The following CACNA1E variants were observed in gnomAD, a reference collection of about 807,000 sequenced individuals.
The protein encoded by CACNA1E is voltage-dependent R-type calcium channel subunit alpha-1E.
CACNA1E carries 40 observed loss-of-function variants against 259.2 expected under a neutral mutation model. The ratio of observed to expected loss-of-function variants is 0.15; its 90% confidence interval spans 0.12 to 0.20. The LOEUF (loss-of-function observed/expected upper bound fraction) is 0.20, where lower values mean the gene tolerates loss of function less well. CACNA1E is among the 10% of genes least tolerant of loss of function. CACNA1E has a pLI of 1.00. For synonymous variants in CACNA1E, 1,104 were observed against 1,138.5 expected (o/e 0.97, Z 0.61); for missense variants, 1,874 against 3,040.1 (o/e 0.62, Z 9.02).
intron 18 of CACNA1E, among the ~76,000 whole-genome samples, chr1:181,729,159 TTGCTCAGGTGTGTGTGCAC>T (rs1258928079): frequency 8.6e-4 from 88 of 102,154 alleles, no homozygotes; most frequent in Middle Eastern, 0.017. Flanking sequence ...TGTGTGAACA[TTGCTCAGGTGTGTGTGCAC>T]TGCTCAGGTG....
intron 7 of CACNA1E, among the ~76,000 whole-genome samples, chr1:181,707,984 G>A (rs1273432146): frequency 2.0e-5 from 3 of 152,158 alleles, no homozygotes; most frequent in African/African-American, 7.2e-5. Context: ...AGAAGGTTGG[G>A]GTGCAGTGAT....
At chr1:181,512,070 G>A (rs578004777) in intron 3 of CACNA1E, among the ~76,000 whole-genome samples, 19 of 152,368 alleles carry the variant, frequency 1.2e-4, no homozygotes, top group African/African-American at 4.1e-4. Flanking sequence ...TCATTCTGTG[G>A]AAATTAATAT....
chr1:181,582,972 C>G (rs1275745346), intron 6 of CACNA1E, among the ~76,000 whole-genome samples: 2 of 152,154 alleles, frequency 1.3e-5, no homozygotes, highest in Non-Finnish European at 2.9e-5. Context: ...TGACTTCCAG[C>G]CTGTCAGTCA....
intron 1 of CACNA1E, among the ~76,000 whole-genome samples, chr1:181,411,343 C>T (rs555039523): frequency 5.9e-5 from 9 of 152,228 alleles, no homozygotes; most frequent in Non-Finnish European, 7.4e-5. Flanking sequence ...GTCCATGAGG[C>T]GTAAAACAGG....
chr1:181,755,173 G>A (rs1189163031), intron 27 of CACNA1E, 64 bp from the exon 28 acceptor site: 9 of 1,434,590 alleles, frequency 6.3e-6, no homozygotes, highest in South Asian at 1.3e-5. Flanking sequence ...GCCCAGCTCG[G>A]CTCTAGGCAA....
chr1:181,761,635 C>A (rs1036246239), intron 32 of CACNA1E, among the ~76,000 whole-genome samples: 3 of 152,174 alleles, frequency 2.0e-5, no homozygotes, highest in African/African-American at 7.2e-5. Flanking sequence ...CTCTGAATTT[C>A]TTTATTCTGT....
chr1:181,606,613 A>G (rs74684129), intron 6 of CACNA1E, among the ~76,000 whole-genome samples: 5,646 of 152,264 alleles, frequency 0.037, 135 homozygotes, highest in Non-Finnish European at 0.048. Context: ...AAACAATGCA[A>G]ATGTCCTATG....
chr1:181,700,493 C>T (rs753218066), intron 7 of CACNA1E, among the ~76,000 whole-genome samples: 2 of 152,130 alleles, frequency 1.3e-5, no homozygotes, highest in African/African-American at 2.4e-5. Flanking sequence ...TAACCATGAA[C>T]AAGAGCAATC....
chr1:181,440,819 C>CA (rs1025509044), intron 2 of CACNA1E, among the ~76,000 whole-genome samples: 76 of 151,546 alleles, frequency 5.0e-4, no homozygotes, highest in African/African-American at 1.6e-3. Flanking sequence ...CCTGTCTCCA[C>CA]AAAAAATTTA....
chr1:181,368,291 A>AC (rs1654432099), intron 1 of CACNA1E, among the ~76,000 whole-genome samples: 1 of 152,084 alleles, frequency 6.6e-6, no homozygotes. Context: ...TGTCTAAAAA[A>AC]AAAAAAAATA....
At chr1:181,423,089 A>C (rs1658880305) in intron 2 of CACNA1E, among the ~76,000 whole-genome samples, 1 of 152,188 alleles carries the variant, frequency 6.6e-6, no homozygotes, top group Non-Finnish European at 1.5e-5. Context: ...ATTACGTAAA[A>C]ACATCTATCG....
upstream of CACNA1E, chr1:181,483,501 CT>C (rs111237511): frequency 0.091 from 19,077 of 208,618 alleles, 123 homozygotes; most frequent in East Asian, 0.21. Context: ...TTTCTTTTTT[CT>C]TTTTTTTTTT....
intron 3 of CACNA1E, among the ~76,000 whole-genome samples, chr1:181,514,562 C>T (rs1666411278): frequency 6.6e-6 from 1 of 152,206 alleles, no homozygotes; most frequent in African/African-American, 2.4e-5. Flanking sequence ...CCTGCACCCA[C>T]AGCAGTCCCT....
At chr1:181,532,923 A>G (rs1414300608) in intron 3 of CACNA1E, among the ~76,000 whole-genome samples, 3 of 152,230 alleles carry the variant, frequency 2.0e-5, no homozygotes, top group South Asian at 2.1e-4. Flanking sequence ...TTTGAAGACT[A>G]TTATTACATA....
Position 181,720,873 on chromosome 1 carries a change from G to A in CACNA1E, c.1956+18G>A, listed in dbSNP as rs780394401. 8 of 1,557,020 alleles carry A rather than the reference G, an allele frequency of 5.1e-6. No individual in the cohort carries two copies. Among genetic ancestry groups the A allele is most frequent in the South Asian group, 4.5e-5 (4 of 88,404 alleles). ...TGTTCCAGGTATGAGGCCAGCTGACGGTTCACAAGTGCTGCATGGGGTCCC... is the reference window on the plus strand; with the variant it reads ...TGTTCCAGGTATGAGGCCAGCTGACAGTTCACAAGTGCTGCATGGGGTCCC... On this transcript the variant is annotated intron_variant, in intron 15 of 47. Coordinates refer to ENST00000367573, the MANE Select transcript of CACNA1E (RefSeq NM_001205293.3).
At chr1:181,687,051 G>T (rs1650652071) in intron 7 of CACNA1E, among the ~76,000 whole-genome samples, 2 of 152,064 alleles carry the variant, frequency 1.3e-5, no homozygotes, top group African/African-American at 4.8e-5. Context: ...CATGAGACTG[G>T]TGGGGTGGGG....
At chr1:181,411,279 A>G (rs1171882974) in intron 1 of CACNA1E, among the ~76,000 whole-genome samples, 1 of 152,196 alleles carries the variant, frequency 6.6e-6, no homozygotes, top group African/African-American at 2.4e-5. Flanking sequence ...TAATTGGAGC[A>G]TGTCAAGATC....
At chr1:181,629,644 A>T (rs1403025297) in intron 6 of CACNA1E, among the ~76,000 whole-genome samples, 1 of 152,094 alleles carries the variant, frequency 6.6e-6, no homozygotes, top group Non-Finnish European at 1.5e-5. Flanking sequence ...ACGTGAAAAA[A>T]ATTCTAATAT....
At chr1:181,791,079 G>A (rs993699098) in intron 44 of CACNA1E, among the ~76,000 whole-genome samples, 2 of 152,188 alleles carry the variant, frequency 1.3e-5, no homozygotes, top group African/African-American at 4.8e-5. Flanking sequence ...GCTCTGTGTG[G>A]GTTCAGGCAC....
Sources: allele counts gnomAD v4.1 joint callset (sites outside exome capture counted in the v4.1 genomes callset), GRCh38; gene constraint gnomAD v4.1.1; transcripts MANE v1.5; gene names NCBI Gene and HGNC (gene_info 2026-07-23, HGNC 2026-07-21).